MAGI3: variants seen among roughly 807,000 people sequenced by gnomAD.
MAGI3 encodes the protein membrane-associated guanylate kinase, WW and PDZ domain-containing protein 3.
Under a neutral mutation model 121.8 loss-of-function variants are expected in MAGI3, and 43 were observed. The observed-to-expected ratio is 0.35, with a 90% CI of 0.28 to 0.46. The LOEUF is 0.46. MAGI3 is among the 20% of genes least tolerant of loss of function. The pLI, the probability that MAGI3 is intolerant of heterozygous loss-of-function variation, is 1.00. For synonymous variants in MAGI3, 553 were observed against 639.3 expected, an observed-to-expected ratio of 0.86 and a Z score of 2.04; for missense variants, 1,547 against 1,797.3, an observed-to-expected ratio of 0.86 and a Z score of 2.52.
chr1:113,425,061 A>G (rs550619578), intron 1 of MAGI3, among the ~76,000 whole-genome samples: 2 of 151,824 alleles, frequency 1.3e-5, no homozygotes, highest in Admixed American at 1.3e-4. Context: ...TAGGAGGCTG[A>G]GGCAGGAGAA....
rs147750322 is a variant in MAGI3, at chr1:113,619,460, A to G, written c.1077-276A>G. The stretch of plus-strand genomic sequence containing the variant: ...TCTGATTGCATCAGATAAGAAGGCT[A>G]TAGTTTTGAAAACTGTTATTGGCTA... On this transcript the variant is annotated intron_variant, in intron 7 of 20. Transcript: ENST00000307546. Among the ~76,000 whole-genome samples the G allele has an allele frequency of 8.8e-4, 134 of 152,340 alleles. 1 individual carries two copies. Among genetic ancestry groups the G allele is most frequent in the African/African-American group, 2.9e-3 (121 of 41,596 alleles).
intron 1 of MAGI3, among the ~76,000 whole-genome samples, chr1:113,417,779 G>A (rs549509627): frequency 1.3e-4 from 20 of 152,090 alleles, no homozygotes; most frequent in African/African-American, 4.8e-4. Flanking sequence ...TCTCACTGAG[G>A]TGCTTCATTG....
intron 1 of MAGI3, among the ~76,000 whole-genome samples, chr1:113,473,380 C>T (rs1429375177): frequency 1.3e-5 from 2 of 152,154 alleles, no homozygotes; most frequent in Admixed American, 1.3e-4. Context: ...TCATCATTTA[C>T]ATTAGGTATT....
At chr1:113,657,449 T>G (rs1006321345) in intron 15 of MAGI3, among the ~76,000 whole-genome samples, 2 of 152,204 alleles carry the variant, frequency 1.3e-5, no homozygotes, top group Non-Finnish European at 2.9e-5. Flanking sequence ...ACCAATTCTT[T>G]TTACCACATT....
At chr1:113,456,493 C>T (rs1234411327) in intron 1 of MAGI3, among the ~76,000 whole-genome samples, 2 of 152,016 alleles carry the variant, frequency 1.3e-5, no homozygotes, top group East Asian at 3.8e-4. Flanking sequence ...GTAATACAGA[C>T]CTAGTTCAGT....
intron 1 of MAGI3, among the ~76,000 whole-genome samples, chr1:113,438,947 G>T (rs1653778685): frequency 1.3e-5 from 2 of 152,144 alleles, no homozygotes; most frequent in Admixed American, 1.3e-4. Context: ...GTTAAGTTGA[G>T]AACTTTTACC....
rs756518875 is a variant in MAGI3, at chr1:113,594,468, C to A, written c.939-13C>A. 2.5e-6 allele frequency: 4 copies of A among 1,593,324 alleles called. No individual in the cohort carries two copies. The highest frequency in any genetic ancestry group is 1.4e-5 in the African/African-American group (1 of 73,592). ...TTATTTTACTGTTTCTAATTAAAAT[C>A]TTTATTCTACAGCCACAATACCAAG... On this transcript the variant is annotated splice_polypyrimidine_tract_variant and intron_variant, in intron 5 of 20. Transcript: ENST00000307546.
intron 10 of MAGI3, 107 bp downstream of exon 10, chr1:113,642,623 T>A: frequency 8.2e-7 from 1 of 1,215,032 alleles, no homozygotes; most frequent in Non-Finnish European, 1.1e-6. Context: ...ACTTAACTAG[T>A]AATTAGTGTG....
intron 1 of MAGI3, among the ~76,000 whole-genome samples, chr1:113,453,880 T>G (rs1654612006): frequency 6.6e-6 from 1 of 152,250 alleles, no homozygotes; most frequent in Non-Finnish European, 1.5e-5. Context: ...CTGGTGCACT[T>G]AACCATCATG....
At chr1:113,637,297 G>A (rs7513750) in intron 9 of MAGI3, among the ~76,000 whole-genome samples, 70 of 152,266 alleles carry the variant, frequency 4.6e-4, no homozygotes, top group African/African-American at 1.3e-3. Flanking sequence ...TATTTTGCTC[G>A]TTAGTTGATG....
chr1:113,673,594 T>C, intron 19 of MAGI3, 129 bp downstream of exon 19: 1 of 1,043,402 alleles, frequency 9.6e-7, no homozygotes, highest in Non-Finnish European at 1.4e-6. Flanking sequence ...TCATCACTGG[T>C]AGCTAAAAAA....
intron 9 of MAGI3, among the ~76,000 whole-genome samples, chr1:113,639,391 G>GT (rs1391419235): frequency 3.3e-5 from 5 of 152,152 alleles, no homozygotes; most frequent in African/African-American, 9.6e-5. Flanking sequence ...CACCTGTTTA[G>GT]TTTTTTTGTT....
chr1:113,672,757 C>A lies in MAGI3; in HGVS notation c.3045+16C>A, dbSNP rs367905926. 1.1e-4 allele frequency: 180 copies of A among 1,603,126 alleles called. 1 individual carries two copies. Among genetic ancestry groups the A allele is most frequent in the Non-Finnish European group, 1.2e-4 (146 of 1,175,752 alleles). On this transcript the variant is annotated intron_variant, in intron 18 of 20. Transcript: ENST00000307546. ...GCACAATCAGGTAAACAAACATTTC[C>A]CCAGATGGGGAGTGATATTTTGAGT... is the stretch of plus-strand genomic sequence containing the variant.
At chr1:113,640,510 A>G (rs750171545) in intron 9 of MAGI3, among the ~76,000 whole-genome samples, 8 of 152,218 alleles carry the variant, frequency 5.3e-5, no homozygotes, top group Non-Finnish European at 1.2e-4. Flanking sequence ...TTGCATAAGG[A>G]AAATGTGGTA....
intron 1 of MAGI3, among the ~76,000 whole-genome samples, chr1:113,508,033 G>A (rs896075327): frequency 2.0e-5 from 3 of 152,212 alleles, no homozygotes; most frequent in Admixed American, 2.0e-4. Context: ...CCTTTTAATG[G>A]CCATGGAGGT....
At chr1:113,417,465 G>C (rs542428194) in intron 1 of MAGI3, among the ~76,000 whole-genome samples, 1 of 152,102 alleles carries the variant, frequency 6.6e-6, no homozygotes, top group Admixed American at 6.6e-5. Context: ...CCAGGCTGGA[G>C]TGCAGTGGTG....
chr1:113,595,859 T>C (rs1648966723), intron 6 of MAGI3, among the ~76,000 whole-genome samples: 1 of 152,130 alleles, frequency 6.6e-6, no homozygotes, highest in African/African-American at 2.4e-5. Context: ...GGTGAAACCC[T>C]GTCTCTACTA....
chr1:113,489,169 G>GCCCCCCCCCCCCCCC (rs142365833), intron 1 of MAGI3, among the ~76,000 whole-genome samples: 1 of 148,290 alleles, frequency 6.7e-6, no homozygotes, highest in Admixed American at 6.8e-5. Flanking sequence ...AACACCTTAG[G>GCCCCCCCCCCCCCCC]CCCCCCCCGA....
chr1:113,663,235 A>AAGATAT (rs1653874470), intron 16 of MAGI3, among the ~76,000 whole-genome samples: 1 of 144,062 alleles, frequency 6.9e-6, no homozygotes, highest in East Asian at 2.0e-4. Flanking sequence ...CAAAAACAGA[A>AAGATAT]ATATATATAT....
Sources: allele counts gnomAD v4.1 joint callset (sites outside exome capture counted in the v4.1 genomes callset), GRCh38; gene constraint gnomAD v4.1.1; transcripts MANE v1.5; gene names NCBI Gene and HGNC (gene_info 2026-07-23, HGNC 2026-07-21).